SLC9A9: variants seen among roughly 807,000 people sequenced by gnomAD.
The protein encoded by SLC9A9 is solute carrier family 9 member A9, also known as sodium/hydrogen exchanger 9.
A neutral mutation model predicts 77.8 loss-of-function variants in SLC9A9; 62 were observed. That is an observed-to-expected ratio of 0.80 (90% CI 0.65 to 0.98). SLC9A9 has a LOEUF of 0.98. SLC9A9 is among the 50% of genes least tolerant of loss of function. The pLI is 0.00. For synonymous variants in SLC9A9, 320 were observed against 283.5 expected (o/e 1.13, Z -1.29); for missense variants, 775 against 774.9 (o/e 1.00, Z 0.00).
Position 143,622,142 on chromosome 3 carries a change from G to T in SLC9A9, c.755+30113C>A, listed in dbSNP as rs564736494. 1.3e-5 allele frequency among the ~76,000 whole-genome samples: 2 copies of T among 152,326 alleles called. 1 individual carries two copies. Among genetic ancestry groups the T allele is most frequent in the South Asian group, 4.1e-4 (2 of 4,820 alleles). On this transcript the variant is annotated intron_variant, in intron 6 of 15. Coordinates refer to ENST00000316549, the MANE Select transcript of SLC9A9 (RefSeq NM_173653.4). ...AAAAGACCAAATCTACGTCTGACTG[G>T]TGTACCTGAAAGTGATGGGGAGAAT...
intron 4 of SLC9A9, among the ~76,000 whole-genome samples, chr3:143,729,533 C>CT (rs1934749046): frequency 6.6e-6 from 1 of 152,144 alleles, no homozygotes; most frequent in Non-Finnish European, 1.5e-5. Context: ...TGTGCCTTGT[C>CT]TTTTTATATC....
intron 5 of SLC9A9, among the ~76,000 whole-genome samples, chr3:143,654,352 C>A (rs1017071134): frequency 6.6e-6 from 1 of 152,128 alleles, no homozygotes; most frequent in African/African-American, 2.4e-5. Flanking sequence ...GGCCAGATCC[C>A]ATTTTATCAG....
intron 12 of SLC9A9, among the ~76,000 whole-genome samples, chr3:143,405,906 C>G (rs190785482): frequency 5.8e-4 from 89 of 152,274 alleles, no homozygotes; most frequent in Non-Finnish European, 1.1e-3. Context: ...TCTCTACATA[C>G]CTTTAGATCA....
At chr3:143,433,653 T>C (rs1413727525) in intron 12 of SLC9A9, among the ~76,000 whole-genome samples, 1 of 152,210 alleles carries the variant, frequency 6.6e-6, no homozygotes, top group East Asian at 1.9e-4. Flanking sequence ...CAGAACACCA[T>C]GGGAAATACA....
chr3:143,355,388 G>A (rs2032560321), intron 14 of SLC9A9, among the ~76,000 whole-genome samples: 1 of 152,198 alleles, frequency 6.6e-6, no homozygotes, highest in Non-Finnish European at 1.5e-5. Flanking sequence ...TGTTCTAAGT[G>A]TTTTGTGTTA....
chr3:143,726,333 A>G (rs986072224), intron 4 of SLC9A9, among the ~76,000 whole-genome samples: 5 of 152,010 alleles, frequency 3.3e-5, no homozygotes, highest in East Asian at 1.9e-4. Context: ...ATGGGCTCCA[A>G]GGAGATTCTG....
At chr3:143,508,931 A>T (rs776593405) in intron 9 of SLC9A9, among the ~76,000 whole-genome samples, 1 of 152,206 alleles carries the variant, frequency 6.6e-6, no homozygotes, top group African/African-American at 2.4e-5. Context: ...ATATGTAAAC[A>T]GTGATATTAA....
At chr3:143,743,043 A>G (rs1434255471) in intron 4 of SLC9A9, among the ~76,000 whole-genome samples, 3 of 152,158 alleles carry the variant, frequency 2.0e-5, no homozygotes, top group Non-Finnish European at 4.4e-5. Context: ...AATTTATGCC[A>G]GTTTAGGAAA....
intron 12 of SLC9A9, among the ~76,000 whole-genome samples, chr3:143,395,687 G>C (rs2033710662): frequency 6.6e-6 from 1 of 152,128 alleles, no homozygotes; most frequent in Non-Finnish European, 1.5e-5. Context: ...GAAAATTTTT[G>C]CAATCTAGTC....
At chr3:143,269,681 G>T (rs1259057721) in intron 14 of SLC9A9, among the ~76,000 whole-genome samples, 2 of 152,204 alleles carry the variant, frequency 1.3e-5, no homozygotes, top group African/African-American at 4.8e-5. Flanking sequence ...CCTTATTTTA[G>T]TTTTTTTGCT....
intron 12 of SLC9A9, among the ~76,000 whole-genome samples, chr3:143,413,786 G>GTA (rs2034141674): frequency 6.7e-6 from 1 of 150,322 alleles, no homozygotes. Context: ...TTAACTGTGT[G>GTA]TGTGTGTGTG....
chr3:143,439,699 C>A (rs2034691664), intron 12 of SLC9A9, among the ~76,000 whole-genome samples: 1 of 151,832 alleles, frequency 6.6e-6, no homozygotes, highest in Admixed American at 6.6e-5. Flanking sequence ...ATCCCCCCAA[C>A]TCCCCTCATT....
intron 14 of SLC9A9, among the ~76,000 whole-genome samples, chr3:143,309,684 C>G (rs1465896830): frequency 6.6e-6 from 1 of 152,116 alleles, no homozygotes; most frequent in East Asian, 1.9e-4. Flanking sequence ...CCCTGTATCT[C>G]AAGTGGTCTT....
chr3:143,642,617 C>A (rs981472686), intron 6 of SLC9A9, among the ~76,000 whole-genome samples: 3 of 152,166 alleles, frequency 2.0e-5, no homozygotes, highest in Non-Finnish European at 4.4e-5. Flanking sequence ...AATTATCAAC[C>A]ATTATCCCTT....
At chr3:143,626,151 C>G (rs568224653) in intron 6 of SLC9A9, among the ~76,000 whole-genome samples, 1 of 152,234 alleles carries the variant, frequency 6.6e-6, no homozygotes, top group East Asian at 1.9e-4. Context: ...AATAGGAACA[C>G]TTTTATGCTG....
chr3:143,524,195 AAGAG>A (rs1429525700), intron 9 of SLC9A9, among the ~76,000 whole-genome samples: 7 of 149,030 alleles, frequency 4.7e-5, no homozygotes, highest in African/African-American at 1.7e-4. Context: ...AAAAAAAACT[AAGAG>A]AGATCTAACA....
chr3:143,289,280 G>T (rs531521514), intron 14 of SLC9A9, among the ~76,000 whole-genome samples: 1 of 152,144 alleles, frequency 6.6e-6, no homozygotes, highest in Non-Finnish European at 1.5e-5. Flanking sequence ...GTGATTCATC[G>T]TGCCAGTAAC....
intron 8 of SLC9A9, among the ~76,000 whole-genome samples, chr3:143,572,398 A>G (rs948520821): frequency 6.6e-6 from 1 of 152,108 alleles, no homozygotes; most frequent in Non-Finnish European, 1.5e-5. Context: ...TTACCTTTCT[A>G]GAAGGTCAAA....
chr3:143,389,379 C>T (rs1203017194), intron 12 of SLC9A9, among the ~76,000 whole-genome samples: 1 of 152,068 alleles, frequency 6.6e-6, no homozygotes, highest in Non-Finnish European at 1.5e-5. Flanking sequence ...AGAGAGATTT[C>T]AGAGATATAT....
Sources: gnomAD v4.1 joint callset for allele counts (sites outside exome capture counted in the v4.1 genomes callset) on GRCh38, gnomAD v4.1.1 for gene constraint, MANE v1.5 for transcripts, NCBI Gene and HGNC (gene_info 2026-07-23, HGNC 2026-07-21) for gene names.